FOXP1: variants seen among roughly 807,000 people sequenced by gnomAD.
FOXP1 encodes the protein forkhead box P1, also known as forkhead box protein P1.
Under a neutral mutation model 98.2 loss-of-function variants are expected in FOXP1, and 15 were observed. The ratio of observed to expected loss-of-function variants is 0.15; its 90% confidence interval spans 0.10 to 0.24. The LOEUF (loss-of-function observed/expected upper bound fraction) is 0.24. Among genes scored for constraint, FOXP1 ranks in the 10% least tolerant of loss-of-function variants. The pLI is 1.00. For missense variants in FOXP1, 633 were observed against 848.5 expected, an observed-to-expected ratio of 0.75 and a Z score of 3.15; for synonymous variants, 371 against 314.5, an observed-to-expected ratio of 1.18 and a Z score of -1.90.
chr3:71,157,231 G>A (rs977020649), intron 6 of FOXP1, among the ~76,000 whole-genome samples: 184 of 152,172 alleles, frequency 1.2e-3, no homozygotes, highest in African/African-American at 4.3e-3. Flanking sequence ...AACACAGAAC[G>A]AAAAGAGACT....
intron 4 of FOXP1, among the ~76,000 whole-genome samples, chr3:71,327,537 G>A (rs1322916860): frequency 4.0e-5 from 6 of 150,710 alleles, no homozygotes; most frequent in African/African-American, 7.3e-5. Context: ...ACAGGCGCCT[G>A]CCACCACGCC....
intron 6 of FOXP1, among the ~76,000 whole-genome samples, chr3:71,164,163 C>G (rs896487418): frequency 1.3e-5 from 2 of 152,104 alleles, no homozygotes; most frequent in Admixed American, 6.6e-5. Flanking sequence ...ATGGATGCTA[C>G]CTACAACTTA....
chr3:71,582,961 G>A (rs2048307123), intron 1 of FOXP1, among the ~76,000 whole-genome samples: 1 of 152,108 alleles, frequency 6.6e-6, no homozygotes, highest in African/African-American at 2.4e-5. Context: ...GCACCGAGGG[G>A]GCACACACCC....
chr3:71,308,989 T>A (rs902627868), intron 4 of FOXP1, among the ~76,000 whole-genome samples: 2 of 152,118 alleles, frequency 1.3e-5, no homozygotes, highest in African/African-American at 4.8e-5. Flanking sequence ...TTCTACCAAA[T>A]GTCAACGAAA....
chr3:71,524,791 A>G (rs1191081851), intron 2 of FOXP1, among the ~76,000 whole-genome samples: 4 of 152,200 alleles, frequency 2.6e-5, no homozygotes, highest in African/African-American at 9.6e-5. Flanking sequence ...AAAATGTTTG[A>G]CCTCAAGATA....
At chr3:71,306,030 G>A (rs1419720066) in intron 4 of FOXP1, 1 of 152,554 alleles carries the variant, frequency 6.6e-6, no homozygotes, top group Non-Finnish European at 1.5e-5. Flanking sequence ...AGGAAGGACT[G>A]AAGGTATGTG....
intron 7 of FOXP1, among the ~76,000 whole-genome samples, chr3:71,109,003 T>C (rs1441008811): frequency 6.6e-6 from 1 of 152,226 alleles, no homozygotes; most frequent in Non-Finnish European, 1.5e-5. Context: ...TCAATTTTCA[T>C]TTGTATCATT....
At position 71,231,206 on chromosome 3, in the gene FOXP1, C is replaced by G. The variant is rs574520630; in HGVS notation, c.-11-32814G>C. ...GAACCATGAATCAATTTTATACATCCTGACAAGGAAAGATGAAGATGTAGG... is the reference window on the plus strand; with the variant it reads ...GAACCATGAATCAATTTTATACATCGTGACAAGGAAAGATGAAGATGTAGG... On this transcript the variant is annotated intron_variant, in intron 5 of 20. Transcript: ENST00000649528. Among the ~76,000 whole-genome samples, 5 of 152,188 alleles carry G rather than the reference C, an allele frequency of 3.3e-5. No individual in the cohort carries two copies. The East Asian group carries it at 9.7e-4, about 29-fold the overall frequency.
At position 71,030,054 on chromosome 3, in the gene FOXP1, G is replaced by C. The variant is rs570970998; in HGVS notation, c.869+11274C>G. Among the ~76,000 whole-genome samples the C allele has an allele frequency of 1.4e-3, 215 of 152,290 alleles. 2 individuals are homozygous for C. The highest frequency in any genetic ancestry group is 4.9e-3 in the African/African-American group (204 of 41,560). ...GGGCTGGTAGCATACCCGATTCAGGGGTGGGAAACTGAGGCACACCAAGCT... is the reference window on the plus strand; with the variant it reads ...GGGCTGGTAGCATACCCGATTCAGGCGTGGGAAACTGAGGCACACCAAGCT... On this transcript the variant is annotated intron_variant, in intron 11 of 20. Coordinates refer to ENST00000649528, the MANE Select transcript of FOXP1 (RefSeq NM_001349338.3).
At chr3:71,409,921 G>A (rs372915814) in intron 3 of FOXP1, among the ~76,000 whole-genome samples, 16 of 152,238 alleles carry the variant, frequency 1.1e-4, no homozygotes, top group African/African-American at 3.1e-4. Flanking sequence ...AGGGTGAGAC[G>A]GGAGGATAAC....
chr3:71,281,276 G>T (rs1459482358), intron 5 of FOXP1, among the ~76,000 whole-genome samples: 1 of 151,952 alleles, frequency 6.6e-6, no homozygotes, highest in Admixed American at 6.6e-5. Flanking sequence ...ACAGATTCTG[G>T]AGTTTTCCGA....
intron 7 of FOXP1, among the ~76,000 whole-genome samples, chr3:71,075,650 C>CAT (rs1358388070): frequency 6.6e-6 from 1 of 152,098 alleles, no homozygotes; most frequent in East Asian, 1.9e-4. Context: ...TCATCACTTG[C>CAT]ATGTGGTGAA....
At chr3:71,212,679 T>C (rs930554955) in intron 5 of FOXP1, among the ~76,000 whole-genome samples, 3 of 152,182 alleles carry the variant, frequency 2.0e-5, no homozygotes, top group Non-Finnish European at 2.9e-5. Flanking sequence ...AAGCATATCA[T>C]TCAAATGCTT....
Position 70,996,608 on chromosome 3 carries a change from G to C in FOXP1, c.1062+4364C>G, listed in dbSNP as rs1049027280. The stretch of plus-strand genomic sequence containing the variant: ...CCATTTTGGGTGAAAGTTTTCTGGG[G>C]TTTAGATTCAAGGAGGCTGTCTAGG... On this transcript the variant is annotated intron_variant, in intron 13 of 20. Transcript: ENST00000649528. 2.8e-4 allele frequency among the ~76,000 whole-genome samples: 43 copies of C among 152,180 alleles called. 3 individuals carry two copies. Among genetic ancestry groups the C allele is most frequent in the Non-Finnish European group, 1.0e-4 (7 of 68,034 alleles).
intron 10 of FOXP1, among the ~76,000 whole-genome samples, chr3:71,043,456 G>C (rs373261534): frequency 3.9e-5 from 6 of 152,104 alleles, no homozygotes; most frequent in African/African-American, 1.4e-4. Flanking sequence ...TGACAGGTGG[G>C]ATGCGTTTGT....
intron 7 of FOXP1, among the ~76,000 whole-genome samples, chr3:71,109,869 C>A (rs2057766875): frequency 6.6e-6 from 1 of 152,082 alleles, no homozygotes. Flanking sequence ...ACCAGTCCAC[C>A]AACCTTTTAG....
In FOXP1 at chr3:71,465,397, G is replaced by A. The variant is rs2088605548; in HGVS notation, c.-168+28029C>T. On this transcript the variant is annotated intron_variant, in intron 3 of 20. Coordinates refer to ENST00000649528, the MANE Select transcript of FOXP1 (RefSeq NM_001349338.3). ...ATCTTCTTCATAACAATGCTATGAA[G>A]TGGAGACTAATATGATCTCCACTCA... Among the ~76,000 whole-genome samples, 8 of 151,920 alleles carry A rather than the reference G, an allele frequency of 5.3e-5. No individual in the cohort carries two copies. In the South Asian group the frequency reaches 1.7e-3, roughly 32 times the overall value.
chr3:71,028,662 C>T (rs1046379584), intron 11 of FOXP1, among the ~76,000 whole-genome samples: 9 of 152,278 alleles, frequency 5.9e-5, no homozygotes, highest in East Asian at 3.9e-4. Context: ...GGAATAGTTT[C>T]GGGATGATTC....
intron 3 of FOXP1, among the ~76,000 whole-genome samples, chr3:71,388,386 C>T (rs556883267): frequency 3.4e-4 from 52 of 152,268 alleles, no homozygotes; most frequent in African/African-American, 1.2e-3. Context: ...GTGCACGTTC[C>T]GCAGCTCGCC....
Sources: gnomAD v4.1 joint callset for allele counts (sites outside exome capture counted in the v4.1 genomes callset) on GRCh38, gnomAD v4.1.1 for gene constraint, MANE v1.5 for transcripts, NCBI Gene and HGNC (gene_info 2026-07-23, HGNC 2026-07-21) for gene names.